The following HS3ST3A1 variants were observed in gnomAD, a reference collection of about 807,000 sequenced individuals.
The protein encoded by HS3ST3A1 is heparan sulfate-glucosamine 3-sulfotransferase 3A1, also known as heparan sulfate glucosamine 3-O-sulfotransferase 3A1.
In HS3ST3A1, 19 loss-of-function variants were observed where a neutral mutation model predicts 25.7. The observed-to-expected ratio is 0.74, with a 90% CI of 0.52 to 1.08. HS3ST3A1 has a LOEUF of 1.08. HS3ST3A1 is among the 50% of genes least tolerant of loss of function. The probability of loss-of-function intolerance (pLI) is 0.00; values close to 1 mark genes in which losing one functional copy is unlikely to be tolerated. For synonymous variants in HS3ST3A1, 226 were observed against 278.6 expected (o/e 0.81, Z 1.88); for missense variants, 459 against 594.3 (o/e 0.77, Z 2.37).
chr17:13,517,711 G>T (rs1301670145), intron 1 of HS3ST3A1, among the ~76,000 whole-genome samples: 10 of 152,126 alleles, frequency 6.6e-5, no homozygotes, highest in Non-Finnish European at 4.4e-5. Context: ...GAATGCAGTG[G>T]TGCAATCTTG....
intron 1 of HS3ST3A1, among the ~76,000 whole-genome samples, chr17:13,535,713 T>C (rs1414600215): frequency 6.6e-6 from 1 of 152,206 alleles, no homozygotes; most frequent in Non-Finnish European, 1.5e-5. Context: ...TTGGGATGTC[T>C]GTTCTTCCAA....
intron 1 of HS3ST3A1, among the ~76,000 whole-genome samples, chr17:13,530,255 T>C (rs1906564171): frequency 6.6e-6 from 1 of 152,234 alleles, no homozygotes; most frequent in Admixed American, 6.5e-5. Context: ...TCATTATCAC[T>C]AATCATTTGA....
intron 1 of HS3ST3A1, among the ~76,000 whole-genome samples, chr17:13,566,753 T>C (rs1490183953): frequency 6.6e-6 from 1 of 152,142 alleles, no homozygotes; most frequent in Non-Finnish European, 1.5e-5. Context: ...AGCAAGGCCC[T>C]AACTCTCTCA....
rs778819577 is a variant in HS3ST3A1 at position 13,601,038 on chromosome 17, G to A, written c.92C>T (p.Ser31Phe). The change falls in exon 1 of 2, where the codon TCC becomes TTC. Residue 31 changes from serine (S) to phenylalanine (F), a missense_variant. Ser to Phe is a radical substitution (Grantham distance 155). Transcript: ENST00000284110. ...GAAGACGTAAAGGGACGTGAGCAGGGAGCAGAGCATCAGCAAGAACTTCCG... is the reference window on the plus strand; with the variant it reads ...GAAGACGTAAAGGGACGTGAGCAGGAAGCAGAGCATCAGCAAGAACTTCCG... ...IFRKFLLMLC[S>F]LLTSLYVFYC... is the part of the protein sequence containing the mutation. 3 of 1,597,390 alleles carry A rather than the reference G, an allele frequency of 1.9e-6. No individual in the cohort carries two copies. The highest frequency in any genetic ancestry group is 2.6e-6 in the Non-Finnish European group (3 of 1,172,376).
At chr17:13,524,801 C>T (rs979624774) in intron 1 of HS3ST3A1, among the ~76,000 whole-genome samples, 1 of 152,082 alleles carries the variant, frequency 6.6e-6, no homozygotes, top group Non-Finnish European at 1.5e-5. Flanking sequence ...TCCTACAAAT[C>T]TATAATTGTT....
chr17:13,534,212 T>A (rs1171608409), intron 1 of HS3ST3A1, among the ~76,000 whole-genome samples: 3 of 152,070 alleles, frequency 2.0e-5, no homozygotes, highest in Non-Finnish European at 4.4e-5. Context: ...TAACTTACAG[T>A]GTTACTGAGA....
intron 1 of HS3ST3A1, among the ~76,000 whole-genome samples, chr17:13,581,327 T>C (rs1039897014): frequency 2.0e-4 from 30 of 151,870 alleles, no homozygotes; most frequent in African/African-American, 7.0e-4. Flanking sequence ...ATTAGCTGGG[T>C]GTGGTGGCAC....
At chr17:13,577,097 C>A (rs1015124291) in intron 1 of HS3ST3A1, among the ~76,000 whole-genome samples, 2 of 152,176 alleles carry the variant, frequency 1.3e-5, no homozygotes, top group African/African-American at 4.8e-5. Flanking sequence ...TTTATAAAAT[C>A]TTCAGATCTC....
chr17:13,512,305 C>CAAAAAAAAAAAAAAAAAAAAAAA (rs67523378), intron 1 of HS3ST3A1, among the ~76,000 whole-genome samples: 11 of 82,100 alleles, frequency 1.3e-4, no homozygotes, highest in African/African-American at 5.4e-4. Context: ...GACTCCGTCT[C>CAAAAAAAAAAAAAAAAAAAAAAA]AAAAAAAAAA....
intron 1 of HS3ST3A1, among the ~76,000 whole-genome samples, chr17:13,539,061 A>G (rs1281590061): frequency 6.6e-6 from 1 of 152,140 alleles, no homozygotes; most frequent in Admixed American, 6.5e-5. Context: ...AGGTGGCTTC[A>G]CTCACATATC....
chr17:13,564,564 C>T (rs758909207), intron 1 of HS3ST3A1, among the ~76,000 whole-genome samples: 16 of 152,184 alleles, frequency 1.1e-4, no homozygotes, highest in Non-Finnish European at 1.9e-4. Context: ...GGAAATGCTA[C>T]GTAAACAGCT....
chr17:13,571,647 TA>T (rs1567626579), intron 1 of HS3ST3A1, among the ~76,000 whole-genome samples: 1 of 152,242 alleles, frequency 6.6e-6, no homozygotes, highest in Admixed American at 6.5e-5. Context: ...ACATATATGA[TA>T]AAAACAAGTT....
At chr17:13,515,929 GCCT>G (rs750414139) in intron 1 of HS3ST3A1, among the ~76,000 whole-genome samples, 3 of 152,020 alleles carry the variant, frequency 2.0e-5, no homozygotes, top group Non-Finnish European at 4.4e-5. Flanking sequence ...GTGTTTAATT[GCCT>G]CCTTATTGAA....
Position 13,496,266 on chromosome 17 carries a change from G to C in HS3ST3A1, c.1152C>G (p.Arg384=), listed in dbSNP as rs767095174. 1 of 1,536,824 alleles carries C rather than the reference G, an allele frequency of 6.5e-7. No homozygotes were observed. The highest frequency in any genetic ancestry group is 8.7e-7 in the Non-Finnish European group (1 of 1,147,424). The change falls in exon 2 of 2, where the codon CGC becomes CGG. Residue 384 remains arginine, a synonymous_variant. Transcript: ENST00000284110. The part of the protein sequence containing the change: ...EIDREVVRRL[R]EFYRPFNLKF... ...TGAGGTTGAAAGGCCGGTAGAACTC[G>C]CGCAGCCTGCGCACCACCTCGCGGT...
intron 1 of HS3ST3A1, among the ~76,000 whole-genome samples, chr17:13,504,323 A>G (rs1298985575): frequency 6.6e-6 from 1 of 151,930 alleles, no homozygotes; most frequent in Admixed American, 6.6e-5. Flanking sequence ...TCTCAAACAA[A>G]CAAACAAAAA....
At chr17:13,592,929 T>G (rs1252065532) in intron 1 of HS3ST3A1, among the ~76,000 whole-genome samples, 1 of 152,148 alleles carries the variant, frequency 6.6e-6, no homozygotes. Flanking sequence ...CCTGCATAGT[T>G]AGAAGGTGCA....
At chr17:13,511,723 G>A (rs1038039196) in intron 1 of HS3ST3A1, among the ~76,000 whole-genome samples, 3 of 150,944 alleles carry the variant, frequency 2.0e-5, no homozygotes, top group African/African-American at 4.9e-5. Flanking sequence ...GATGTTAAAA[G>A]CTAGAATGGA....
chr17:13,531,841 G>A (rs1906614908), intron 1 of HS3ST3A1, among the ~76,000 whole-genome samples: 1 of 151,900 alleles, frequency 6.6e-6, no homozygotes, highest in Non-Finnish European at 1.5e-5. Flanking sequence ...ATCTCTTTAG[G>A]CTTCCATTAA....
chr17:13,591,675 T>G (rs78455753), intron 1 of HS3ST3A1, among the ~76,000 whole-genome samples: 1,160 of 109,956 alleles, frequency 0.011, 15 homozygotes, highest in African/African-American at 0.033. Flanking sequence ...TTTTTTTTTT[T>G]TGGGACAGAG....
Sources: gnomAD v4.1 joint callset for allele counts (sites outside exome capture counted in the v4.1 genomes callset) on GRCh38, gnomAD v4.1.1 for gene constraint, MANE v1.5 for transcripts, NCBI Gene and HGNC (gene_info 2026-07-23, HGNC 2026-07-21) for gene names.